The following EPDR1 variants were observed in gnomAD, a reference collection of about 807,000 sequenced individuals.
EPDR1 encodes the protein ependymin related 1, also known as mammalian ependymin-related protein 1.
A neutral mutation model predicts 23.7 loss-of-function variants in EPDR1; 27 were observed. That is an observed-to-expected ratio of 1.14 (90% CI 0.84 to 1.57). The LOEUF (loss-of-function observed/expected upper bound fraction) is 1.57. EPDR1 is among the 40% of genes most tolerant of loss of function. The probability of loss-of-function intolerance (pLI) is 0.00; values close to 1 mark genes in which losing one functional copy is unlikely to be tolerated. For synonymous variants in EPDR1, 137 were observed against 118.2 expected (o/e 1.16, Z -1.03); for missense variants, 349 against 290.4 (o/e 1.20, Z -1.47).
intron 1 of EPDR1, among the ~76,000 whole-genome samples, chr7:37,948,014 G>C (rs1786313708): frequency 6.6e-6 from 1 of 152,250 alleles, no homozygotes; most frequent in African/African-American, 2.4e-5. Flanking sequence ...CTGCGCCCGT[G>C]CCGGATCAGC....
intron 1 of EPDR1, among the ~76,000 whole-genome samples, chr7:37,927,489 A>G (rs1385667077): frequency 4.6e-5 from 7 of 152,128 alleles, no homozygotes; most frequent in Non-Finnish European, 1.0e-4. Flanking sequence ...TCCTTCACAC[A>G]TGGGCTCTGC....
At position 37,951,544 on chromosome 7, in the gene EPDR1, C is replaced by T. The variant is rs1401832368; in HGVS notation, c.*1148C>T. ...TATGTTTACTTTTATATCCCTAGCACAAAGCAAGTGCCTGGCACATAGTCA... is the reference window on the plus strand; with the variant it reads ...TATGTTTACTTTTATATCCCTAGCATAAAGCAAGTGCCTGGCACATAGTCA... On this transcript the variant is annotated 3_prime_UTR_variant, in exon 3 of 3. Transcript: ENST00000199448. 6.6e-6 allele frequency: 1 copy of T among 152,226 alleles called. No individual in the cohort carries two copies. The highest frequency in any genetic ancestry group is 2.4e-5 in the African/African-American group (1 of 41,460). 9.4% of individuals were successfully genotyped at this position (152,226 alleles called of 1,614,324 possible).
At chr7:37,939,876 G>A (rs572985510) in intron 1 of EPDR1, among the ~76,000 whole-genome samples, 1 of 152,290 alleles carries the variant, frequency 6.6e-6, no homozygotes, top group African/African-American at 2.4e-5. Context: ...CAACCCTGTG[G>A]AGAGAAATCT....
chr7:37,946,466 A>C (rs1786276819), intron 1 of EPDR1, among the ~76,000 whole-genome samples: 1 of 151,948 alleles, frequency 6.6e-6, no homozygotes, highest in Non-Finnish European at 1.5e-5. Context: ...TTTGATGTGC[A>C]TTTTTCTAAT....
At chr7:37,933,219 G>C (rs541656898) in intron 1 of EPDR1, among the ~76,000 whole-genome samples, 1 of 152,204 alleles carries the variant, frequency 6.6e-6, no homozygotes, top group Non-Finnish European at 1.5e-5. Flanking sequence ...CAGATGGCCG[G>C]CATGCATTAC....
intron 1 of EPDR1, among the ~76,000 whole-genome samples, chr7:37,936,246 G>A (rs969970459): frequency 1.3e-5 from 2 of 151,680 alleles, no homozygotes; most frequent in Non-Finnish European, 2.9e-5. Context: ...AAATAATCAT[G>A]TGATTATAGC....
At chr7:37,944,562 A>C (rs994785049) in intron 1 of EPDR1, among the ~76,000 whole-genome samples, 3 of 152,226 alleles carry the variant, frequency 2.0e-5, no homozygotes, top group African/African-American at 7.2e-5. Flanking sequence ...CAGAAGAAGG[A>C]AGAGCAAAGG....
chr7:37,948,795 T>A (rs1386134041), intron 1 of EPDR1, 45 bp from the exon 2 acceptor site: 10 of 1,511,794 alleles, frequency 6.6e-6, no homozygotes, highest in Non-Finnish European at 9.2e-6. Context: ...GGCACGAGGA[T>A]GGTAACATGA....
rs1554372397 is a variant in EPDR1, at chr7:37,920,680, T to C, written c.-260T>C. The C allele has an allele frequency of 3.1e-6, 5 of 1,590,242 alleles. No homozygotes were observed. In the South Asian group the frequency reaches 5.6e-5, roughly 18 times the overall value. On this transcript the variant is annotated 5_prime_UTR_variant, in exon 1 of 3. Transcript: ENST00000199448. ...GGCAGAAGGCAGTGGCAGCAGGCAG[T>C]GGCAGCAGGCAGTGGCCCAGGCAGA...
At chr7:37,949,221 C>G (rs766182844) in intron 2 of EPDR1, among the ~76,000 whole-genome samples, 173 bp downstream of exon 2, 5 of 152,220 alleles carry the variant, frequency 3.3e-5, no homozygotes, top group African/African-American at 4.8e-5. Flanking sequence ...GGGATCTAAG[C>G]TTCATATTTG....
chr7:37,926,680 C>T (rs757752318), intron 1 of EPDR1: 2 of 453,538 alleles, frequency 4.4e-6, no homozygotes, highest in South Asian at 3.1e-5. Flanking sequence ...AGTTACTTAC[C>T]TTTGGCAGGA....
rs981541394 is a variant in EPDR1 at position 37,933,485 on chromosome 7, G to T, written c.269+12277G>T. 2.6e-5 allele frequency among the ~76,000 whole-genome samples: 4 copies of T among 152,170 alleles called. No individual in the cohort carries two copies. In the East Asian group the frequency reaches 7.7e-4, roughly 29 times the overall value. On this transcript the variant is annotated intron_variant, in intron 1 of 2. Coordinates refer to ENST00000199448, the MANE Select transcript of EPDR1 (RefSeq NM_017549.5). ...GTACTTAACTACGAAGTTATGCTGT[G>T]AGCCTCATATTTTCTCATCTGTTAA...
intron 1 of EPDR1, among the ~76,000 whole-genome samples, chr7:37,922,198 A>C (rs1753581501): frequency 6.6e-6 from 1 of 152,188 alleles, no homozygotes; most frequent in Non-Finnish European, 1.5e-5. Flanking sequence ...AATGGACTGT[A>C]AGATCTATAG....
rs944247547 is a variant in EPDR1 at position 37,951,077 on chromosome 7, A to G, written c.*681A>G. 2 of 152,212 alleles carry G rather than the reference A, an allele frequency of 1.3e-5. No homozygotes were observed. The highest frequency in any genetic ancestry group is 2.9e-5 in the Non-Finnish European group (2 of 68,036). 9.4% of individuals were successfully genotyped at this position (152,212 alleles called of 1,614,324 possible). A position where few individuals can be genotyped will look rare whatever the true frequency, so the allele number is the denominator to read the frequency against. ...TGAGCAAGGCAGTTTAGAGAATCCTAATGTCTACACTGGCATAGCACGAGC... is the reference window on the plus strand; with the variant it reads ...TGAGCAAGGCAGTTTAGAGAATCCTGATGTCTACACTGGCATAGCACGAGC... On this transcript the variant is annotated 3_prime_UTR_variant, in exon 3 of 3. Coordinates refer to ENST00000199448, the MANE Select transcript of EPDR1 (RefSeq NM_017549.5).
chr7:37,935,879 A>G (rs1786035219), intron 1 of EPDR1, among the ~76,000 whole-genome samples: 3 of 150,594 alleles, frequency 2.0e-5, no homozygotes, highest in South Asian at 2.1e-4. Flanking sequence ...TTGCTGGGAT[A>G]TAAACACAGA....
At chr7:37,932,612 G>A (rs1451632308) in intron 1 of EPDR1, among the ~76,000 whole-genome samples, 3 of 152,128 alleles carry the variant, frequency 2.0e-5, no homozygotes, top group Non-Finnish European at 2.9e-5. Context: ...CAACATGGTG[G>A]GAATTGATCT....
At chr7:37,928,444 C>G (rs889464035) in intron 1 of EPDR1, among the ~76,000 whole-genome samples, 11 of 151,774 alleles carry the variant, frequency 7.2e-5, no homozygotes, top group Admixed American at 5.9e-4. Context: ...AAATCTCATT[C>G]TCCTCTTCTA....
At chr7:37,930,625 T>C (rs1236463530) in intron 1 of EPDR1, among the ~76,000 whole-genome samples, 1 of 152,248 alleles carries the variant, frequency 6.6e-6, no homozygotes, top group Non-Finnish European at 1.5e-5. Context: ...AGGCACGGCC[T>C]GGCTTACCCT....
intron 1 of EPDR1, among the ~76,000 whole-genome samples, chr7:37,935,581 A>G (rs1786031133): frequency 6.6e-6 from 1 of 152,214 alleles, no homozygotes; most frequent in Non-Finnish European, 1.5e-5. Context: ...CAGCTCATCA[A>G]TAGCAAATGA....
Sources: gnomAD v4.1 joint callset for allele counts (sites outside exome capture counted in the v4.1 genomes callset) on GRCh38, gnomAD v4.1.1 for gene constraint, MANE v1.5 for transcripts, NCBI Gene and HGNC (gene_info 2026-07-23, HGNC 2026-07-21) for gene names.